Variants in PLGRKT observed in about 807,000 individuals in gnomAD.
The protein encoded by PLGRKT is plasminogen receptor with a C-terminal lysine, also known as plasminogen receptor (KT).
PLGRKT carries 22 observed loss-of-function variants against 18.5 expected under a neutral mutation model. That is an observed-to-expected ratio of 1.19 (90% CI 0.85 to 1.70). The LOEUF is 1.70. Among genes scored for constraint, PLGRKT ranks in the 40% most tolerant of loss-of-function variants. The probability of loss-of-function intolerance (pLI) is 0.00; values close to 1 mark genes in which losing one functional copy is unlikely to be tolerated. For synonymous variants in PLGRKT, 72 were observed against 52.8 expected (o/e 1.36, Z -1.58); for missense variants, 235 against 174.4 (o/e 1.35, Z -1.96).
intron 3 of PLGRKT, 42 bp from the exon 4 acceptor site, chr9:5,361,930 G>A (rs1279898740): frequency 2.5e-6 from 4 of 1,578,834 alleles, no homozygotes; most frequent in Non-Finnish European, 3.5e-6. Context: ...ACTCATCTTT[G>A]GAATCTGAAC....
chr9:5,415,043 A>C (rs1343321193), intron 3 of PLGRKT, among the ~76,000 whole-genome samples: 1 of 152,226 alleles, frequency 6.6e-6, no homozygotes, highest in Non-Finnish European at 1.5e-5. Flanking sequence ...CCAGGTCTTG[A>C]TTTCCAAATA....
intron 5 of PLGRKT, among the ~76,000 whole-genome samples, chr9:5,360,794 G>C (rs559348795): frequency 8.5e-5 from 13 of 152,226 alleles, no homozygotes; most frequent in African/African-American, 3.1e-4. Context: ...TTATTTATTT[G>C]CTGTAATTTA....
intron 3 of PLGRKT, among the ~76,000 whole-genome samples, chr9:5,383,934 G>C (rs2131098717): frequency 6.6e-6 from 1 of 152,334 alleles, no homozygotes; most frequent in African/African-American, 2.4e-5. Context: ...GCAATTTGAA[G>C]GCCAGATGAC....
At chr9:5,378,658 G>T (rs1364132767) in intron 3 of PLGRKT, among the ~76,000 whole-genome samples, 6 of 152,118 alleles carry the variant, frequency 3.9e-5, no homozygotes, top group Non-Finnish European at 7.4e-5. Flanking sequence ...ATTGATAAAA[G>T]GCATATATAA....
intron 3 of PLGRKT, among the ~76,000 whole-genome samples, chr9:5,427,943 T>A (rs925451949): frequency 6.6e-6 from 1 of 152,144 alleles, no homozygotes; most frequent in Non-Finnish European, 1.5e-5. Context: ...TAAATGTGGT[T>A]GAACAACAAA....
chr9:5,425,566 T>C (rs1818681464), intron 3 of PLGRKT, among the ~76,000 whole-genome samples: 1 of 152,272 alleles, frequency 6.6e-6, no homozygotes, highest in African/African-American at 2.4e-5. Context: ...AATCACCAAT[T>C]ATAATTATGT....
At chr9:5,395,534 A>T (rs60957494) in intron 3 of PLGRKT, among the ~76,000 whole-genome samples, 5,824 of 152,000 alleles carry the variant, frequency 0.038, 466 homozygotes, top group African/African-American at 0.13. Flanking sequence ...ATTATGAAAT[A>T]AGAAAGTATT....
At chr9:5,411,782 G>C (rs1403082704) in intron 3 of PLGRKT, among the ~76,000 whole-genome samples, 1 of 152,066 alleles carries the variant, frequency 6.6e-6, no homozygotes, top group Admixed American at 6.5e-5. Context: ...CTTTAGTTTA[G>C]CCTACAGTTT....
At chr9:5,423,669 T>C (rs920202410) in intron 3 of PLGRKT, among the ~76,000 whole-genome samples, 10 of 151,986 alleles carry the variant, frequency 6.6e-5, no homozygotes, top group African/African-American at 2.2e-4. Context: ...CTACAGCTCA[T>C]TAAGAAATTC....
intron 3 of PLGRKT, among the ~76,000 whole-genome samples, chr9:5,426,265 G>A (rs189680990): frequency 1.3e-4 from 20 of 152,198 alleles, no homozygotes; most frequent in South Asian, 1.0e-3. Flanking sequence ...TGGGAGATTC[G>A]CTGGTGTTCA....
At position 5,424,668 on chromosome 9, in the gene PLGRKT, T is replaced by TTATATATATATATATA. The variant is rs375682412; in HGVS notation, c.81+7213_81+7228dup. Among the ~76,000 whole-genome samples the TTATATATATATATATA allele has an allele frequency of 5.0e-4, 57 of 113,142 alleles. 2 individuals are homozygous for TTATATATATATATATA. Among genetic ancestry groups the TTATATATATATATATA allele is most frequent in the African/African-American group, 2.2e-3 (54 of 24,330 alleles). 74.2% of individuals were successfully genotyped at this position (113,142 alleles called of 152,430 possible). ...ATTATATATAATATAATTATATATT[T>TTATATATATATATATA]TATATATATATATATATATATATAC... On this transcript the variant is annotated intron_variant, in intron 3 of 5. Coordinates refer to ENST00000223864, the MANE Select transcript of PLGRKT (RefSeq NM_018465.4).
chr9:5,406,876 C>G (rs1054682842), intron 3 of PLGRKT, among the ~76,000 whole-genome samples: 4 of 152,036 alleles, frequency 2.6e-5, no homozygotes, highest in East Asian at 1.9e-4. Flanking sequence ...TACCCAAAAG[C>G]TATTGAAATT....
intron 3 of PLGRKT, among the ~76,000 whole-genome samples, chr9:5,392,917 C>T (rs1217949448): frequency 1.3e-5 from 2 of 151,756 alleles, no homozygotes; most frequent in African/African-American, 4.9e-5. Context: ...TCTCGGCTCA[C>T]TGCAACCTCC....
chr9:5,425,192 C>A (rs1377439803), intron 3 of PLGRKT, among the ~76,000 whole-genome samples: 1 of 152,154 alleles, frequency 6.6e-6, no homozygotes, highest in African/African-American at 2.4e-5. Context: ...GCTTTTCCAG[C>A]CACTCAGGTG....
At chr9:5,394,335 G>A (rs1818005474) in intron 3 of PLGRKT, among the ~76,000 whole-genome samples, 1 of 151,868 alleles carries the variant, frequency 6.6e-6, no homozygotes, top group Admixed American at 6.5e-5. Context: ...TGGCTCAGGT[G>A]CAGGGAAATG....
intron 3 of PLGRKT, among the ~76,000 whole-genome samples, chr9:5,395,528 T>G (rs1423068622): frequency 1.3e-5 from 2 of 151,914 alleles, no homozygotes; most frequent in African/African-American, 4.9e-5. Flanking sequence ...ACATTCATTA[T>G]GAAATAAGAA....
At position 5,358,374 on chromosome 9, in the gene PLGRKT, C is replaced by T. The variant is rs375967103; in HGVS notation, c.323-14G>A. 1 of 1,611,432 alleles carries T rather than the reference C, an allele frequency of 6.2e-7. No individual in the cohort carries two copies. Among genetic ancestry groups the T allele is most frequent in the Non-Finnish European group, 8.5e-7 (1 of 1,178,662 alleles). ...CCTCAGCTTCACCTTAAATAAAGTA[C>T]AGAAATACACAAGGTGACAAAGGGG... On this transcript the variant is annotated splice_polypyrimidine_tract_variant and intron_variant, in intron 5 of 5. Coordinates refer to ENST00000223864, the MANE Select transcript of PLGRKT (RefSeq NM_018465.4).
Position 5,360,124 on chromosome 9 carries a change from G to A in PLGRKT, c.322+954C>T, listed in dbSNP as rs117711123. Among the ~76,000 whole-genome samples the A allele has an allele frequency of 6.2e-4, 94 of 152,236 alleles. No homozygotes were observed. In the East Asian group the frequency reaches 0.017, roughly 27 times the overall value. ...ATTGTTTCCTTCAAGACAAATGTTGGAACTTCATTTATTTGAGAATGATGT... is the reference window on the plus strand; with the variant it reads ...ATTGTTTCCTTCAAGACAAATGTTGAAACTTCATTTATTTGAGAATGATGT... On this transcript the variant is annotated intron_variant, in intron 5 of 5. Transcript: ENST00000223864.
At chr9:5,402,669 G>T (rs756828362) in intron 3 of PLGRKT, among the ~76,000 whole-genome samples, 9 of 151,914 alleles carry the variant, frequency 5.9e-5, no homozygotes, top group Non-Finnish European at 1.2e-4. Flanking sequence ...GCAGGTTGTG[G>T]TAGGACATCA....
Sources: allele counts gnomAD v4.1 joint callset (sites outside exome capture counted in the v4.1 genomes callset), GRCh38; gene constraint gnomAD v4.1.1; transcripts MANE v1.5; gene names NCBI Gene and HGNC (gene_info 2026-07-23, HGNC 2026-07-21).